Variants in CRYBG1 observed in about 807,000 individuals in gnomAD.
CRYBG1 encodes the protein beta/gamma crystallin domain-containing protein 1.
CRYBG1 carries 139 observed loss-of-function variants against 189.2 expected under a neutral mutation model. The observed-to-expected ratio is 0.73, with a 90% confidence interval of 0.64 to 0.85. CRYBG1 has a LOEUF of 0.85. Among genes scored for constraint, CRYBG1 ranks in the 40% least tolerant of loss-of-function variants. The probability of loss-of-function intolerance (pLI) is 0.00; values close to 1 mark genes in which losing one functional copy is unlikely to be tolerated. For missense variants in CRYBG1, 2,611 were observed against 2,675.8 expected, an observed-to-expected ratio of 0.98 and a Z score of 0.53; for synonymous variants, 1,023 against 1,017.1, an observed-to-expected ratio of 1.01 and a Z score of -0.11.
chr6:106,567,638 T>TA (rs35313968), intron 21 of CRYBG1, among the ~76,000 whole-genome samples: 65 of 151,764 alleles, frequency 4.3e-4, no homozygotes, highest in African/African-American at 1.3e-3. Flanking sequence ...AGGTTTATGC[T>TA]AAAAAAAGGA....
intron 2 of CRYBG1, among the ~76,000 whole-genome samples, chr6:106,471,246 A>G (rs1772227554): frequency 6.6e-6 from 1 of 152,228 alleles, no homozygotes; most frequent in African/African-American, 2.4e-5. Flanking sequence ...CAGGCTGACC[A>G]TGCAACTTGG....
intron 1 of CRYBG1, among the ~76,000 whole-genome samples, chr6:106,428,258 T>A (rs934743269): frequency 1.3e-5 from 2 of 152,216 alleles, no homozygotes; most frequent in African/African-American, 4.8e-5. Flanking sequence ...AATATTTCCA[T>A]TGAATTGGAC....
chr6:106,373,235 G>A (rs906932608), intron 1 of CRYBG1, among the ~76,000 whole-genome samples: 9 of 152,320 alleles, frequency 5.9e-5, no homozygotes, highest in African/African-American at 2.2e-4. Flanking sequence ...GGGAACCCCT[G>A]ACTTGAAATG....
intron 21 of CRYBG1, among the ~76,000 whole-genome samples, chr6:106,567,877 T>C (rs1263702738): frequency 2.0e-5 from 3 of 147,434 alleles, no homozygotes; most frequent in African/African-American, 2.6e-5. Flanking sequence ...CTAAATGCTA[T>C]GAAATTTTAT....
At chr6:106,428,445 T>C (rs1771267124) in intron 1 of CRYBG1, among the ~76,000 whole-genome samples, 1 of 152,154 alleles carries the variant, frequency 6.6e-6, no homozygotes, top group Non-Finnish European at 1.5e-5. Context: ...CTTTGGAACG[T>C]TGAAGGCAGT....
At chr6:106,497,020 G>A (rs1038134675) in intron 2 of CRYBG1, among the ~76,000 whole-genome samples, 2 of 152,144 alleles carry the variant, frequency 1.3e-5, no homozygotes, top group African/African-American at 4.8e-5. Flanking sequence ...GGCATCTGAG[G>A]CTCCCGCTGC....
chr6:106,374,403 A>T (rs78216947), intron 1 of CRYBG1, among the ~76,000 whole-genome samples: 8,464 of 152,196 alleles, frequency 0.056, 392 homozygotes, highest in East Asian at 0.16. Flanking sequence ...AATAAAAAAA[A>T]TAAAAATAAC....
chr6:106,539,314 T>C, intron 8 of CRYBG1, 89 bp from the exon 9 acceptor site: 1 of 1,489,518 alleles, frequency 6.7e-7, no homozygotes, highest in Non-Finnish European at 9.2e-7. Context: ...TCCTGTTCTT[T>C]TCCTCTCATC....
chr6:106,370,904 A>G (rs1273848915), intron 1 of CRYBG1, among the ~76,000 whole-genome samples: 1 of 152,124 alleles, frequency 6.6e-6, no homozygotes, highest in Non-Finnish European at 1.5e-5. Flanking sequence ...TGATCCCTAG[A>G]TTGAGTGACT....
At chr6:106,405,090 G>A (rs528807547) in intron 1 of CRYBG1, among the ~76,000 whole-genome samples, 1 of 152,126 alleles carries the variant, frequency 6.6e-6, no homozygotes, top group Non-Finnish European at 1.5e-5. Flanking sequence ...GTCTAGCTCA[G>A]CAGATTCCAC....
chr6:106,385,134 T>C (rs1046066531), intron 1 of CRYBG1, among the ~76,000 whole-genome samples: 1 of 152,164 alleles, frequency 6.6e-6, no homozygotes, highest in Non-Finnish European at 1.5e-5. Flanking sequence ...GGTGACTATT[T>C]TTCTAAAAGA....
chr6:106,447,335 CA>C (rs1230176904), intron 1 of CRYBG1, among the ~76,000 whole-genome samples: 1 of 151,954 alleles, frequency 6.6e-6, no homozygotes, highest in African/African-American at 2.4e-5. Context: ...CCTTTGGGTA[CA>C]AAAATAATAG....
intron 13 of CRYBG1, among the ~76,000 whole-genome samples, chr6:106,547,214 C>CCCT (rs1286318848): frequency 7.9e-6 from 1 of 125,832 alleles, no homozygotes; most frequent in African/African-American, 3.0e-5. Flanking sequence ...ACACACACAC[C>CCCT]ACTTCCTTTG....
At chr6:106,376,050 G>A (rs974067160) in intron 1 of CRYBG1, among the ~76,000 whole-genome samples, 7 of 152,068 alleles carry the variant, frequency 4.6e-5, no homozygotes, top group Middle Eastern at 3.2e-3. Flanking sequence ...TTTGGACCAC[G>A]GTTGACTGAG....
intron 1 of CRYBG1, among the ~76,000 whole-genome samples, chr6:106,365,296 G>A (rs184722973): frequency 5.3e-4 from 80 of 151,950 alleles, no homozygotes; most frequent in African/African-American, 1.4e-3. Context: ...GGGTGGTGGC[G>A]GACGCCTGTA....
intron 17 of CRYBG1, among the ~76,000 whole-genome samples, chr6:106,557,314 G>A (rs1774571961): frequency 6.6e-6 from 1 of 152,096 alleles, no homozygotes; most frequent in South Asian, 2.1e-4. Context: ...TTACCAGTCA[G>A]GACACATCCA....
chr6:106,451,925 A>G, intron 2 of CRYBG1, 93 bp downstream of exon 2: 1 of 998,220 alleles, frequency 1.0e-6, no homozygotes, highest in Non-Finnish European at 1.4e-6. Context: ...ACACATACTT[A>G]AAAGTAATGG....
At chr6:106,519,008 C>CACACAA (rs71549475) in intron 3 of CRYBG1, 123 bp from the exon 4 acceptor site, 4 of 976,138 alleles carry the variant, frequency 4.1e-6, no homozygotes, top group African/African-American at 1.7e-5. Flanking sequence ...CACACACACA[C>CACACAA]CACACTCCAA....
chr6:106,497,476 G>A (rs1042175300), intron 2 of CRYBG1, among the ~76,000 whole-genome samples: 1 of 152,086 alleles, frequency 6.6e-6, no homozygotes. Flanking sequence ...CCTTCCCCCT[G>A]CACCCCTTAG....
Sources: gnomAD v4.1 joint callset for allele counts (sites outside exome capture counted in the v4.1 genomes callset) on GRCh38, gnomAD v4.1.1 for gene constraint, MANE v1.5 for transcripts, NCBI Gene and HGNC (gene_info 2026-07-23, HGNC 2026-07-21) for gene names.